TENM2: variants seen among roughly 807,000 people sequenced by gnomAD.
TENM2 encodes teneurin-2.
A neutral mutation model predicts 245.2 loss-of-function variants in TENM2; 52 were observed. The ratio of observed to expected loss-of-function variants is 0.21; its 90% CI spans 0.17 to 0.27. The LOEUF (loss-of-function observed/expected upper bound fraction) is 0.27. Ranked by LOEUF, TENM2 falls within the 10% of genes least tolerant of loss-of-function variation. The pLI is 1.00. For missense variants in TENM2, 3,046 were observed against 3,666.8 expected, an observed-to-expected ratio of 0.83 and a Z score of 4.37; for synonymous variants, 1,363 against 1,438.9, an observed-to-expected ratio of 0.95 and a Z score of 1.19.
chr5:167,423,092 T>TA (rs531142531), intron 2 of TENM2, among the ~76,000 whole-genome samples: 2 of 96,280 alleles, frequency 2.1e-5, no homozygotes, highest in South Asian at 2.8e-4. Flanking sequence ...CGTACCTTCA[T>TA]TTTTTTTTTA....
chr5:167,226,672 G>C, the TENM2 span, among the ~76,000 whole-genome samples: 1 of 152,010 alleles, frequency 6.6e-6, no homozygotes, highest in Admixed American at 6.6e-5. Flanking sequence ...TGAATAAAAT[G>C]TTCTATAAAT....
At chr5:167,035,257 A>T in the TENM2 span, among the ~76,000 whole-genome samples, 1 of 152,166 alleles carries the variant, frequency 6.6e-6, no homozygotes, top group Non-Finnish European at 1.5e-5. Context: ...AAGCAACCAC[A>T]TGGTAGTTAA....
chr5:168,169,427 C>T (rs1484158601), intron 13 of TENM2, among the ~76,000 whole-genome samples: 2 of 152,202 alleles, frequency 1.3e-5, no homozygotes, highest in African/African-American at 4.8e-5. Flanking sequence ...GGCCTGAGCT[C>T]TGGGCATGCC....
chr5:168,186,541 TG>T (rs1420740699), intron 13 of TENM2: 2 of 152,166 alleles, frequency 1.3e-5, no homozygotes, highest in African/African-American at 4.8e-5. Flanking sequence ...GCCACCGCAG[TG>T]TGGGCTGATT....
At chr5:167,627,651 A>G (rs1041521708) in intron 2 of TENM2, among the ~76,000 whole-genome samples, 2 of 150,672 alleles carry the variant, frequency 1.3e-5, no homozygotes, top group African/African-American at 4.9e-5. Context: ...TCCACCTCCC[A>G]GGTTCAAGTG....
At chr5:167,006,258 A>G in the TENM2 span, among the ~76,000 whole-genome samples, 2 of 152,184 alleles carry the variant, frequency 1.3e-5, no homozygotes, top group South Asian at 4.1e-4. Context: ...TTTTTAGGGA[A>G]TTCGATTTGG....
intron 2 of TENM2, among the ~76,000 whole-genome samples, chr5:167,529,498 T>G (rs1771351094): frequency 6.6e-6 from 1 of 152,246 alleles, no homozygotes; most frequent in Non-Finnish European, 1.5e-5. Flanking sequence ...GTGTTCACTT[T>G]CTGCACTTAG....
chr5:168,227,233 C>G (rs1764280027), intron 24 of TENM2, among the ~76,000 whole-genome samples: 1 of 152,232 alleles, frequency 6.6e-6, no homozygotes, highest in African/African-American at 2.4e-5. Context: ...GTCTGATTGA[C>G]TCGTGTAGTT....
At chr5:167,811,684 T>C (rs1183305887) in intron 2 of TENM2, among the ~76,000 whole-genome samples, 1 of 152,190 alleles carries the variant, frequency 6.6e-6, no homozygotes, top group African/African-American at 2.4e-5. Flanking sequence ...AACCCATTTA[T>C]GCTGGAGGTT....
intron 2 of TENM2, among the ~76,000 whole-genome samples, chr5:167,739,854 C>T (rs780674988): frequency 3.9e-5 from 6 of 152,190 alleles, no homozygotes. Flanking sequence ...ACAATATACA[C>T]ATGGAATTTC....
chr5:167,575,634 T>C (rs529939291), intron 2 of TENM2, among the ~76,000 whole-genome samples: 2 of 152,190 alleles, frequency 1.3e-5, no homozygotes, highest in East Asian at 3.9e-4. Flanking sequence ...TACTTCATCA[T>C]CCAGAGATAA....
intron 2 of TENM2, among the ~76,000 whole-genome samples, chr5:167,513,535 T>G (rs559093881): frequency 5.3e-5 from 8 of 152,296 alleles, no homozygotes; most frequent in African/African-American, 1.9e-4. Context: ...TACTTATGTT[T>G]CTAAATGTTT....
In TENM2 at chr5:168,260,242, A is replaced by G. The variant is rs745743397; in HGVS notation, c.7433-41A>G. 49 of 1,611,342 alleles carry G rather than the reference A, an allele frequency of 3.0e-5. No individual in the cohort carries two copies. The South Asian group carries it at 4.4e-4, about 14-fold the overall frequency. ...TAAGCTCTGCTGCTGCTCTCCATCC[A>G]TCATGATTTCAGAAACCTTTATTTT... On this transcript the variant is annotated intron_variant, in intron 27 of 28. Coordinates refer to ENST00000518659, the Ensembl canonical transcript of TENM2.
rs114263109 is a variant in TENM2, at chr5:168,256,757, G to C, written c.7433-3526G>C. Among the ~76,000 whole-genome samples the C allele has an allele frequency of 9.2e-3, 1,408 of 152,274 alleles. 21 individuals carry two copies. Among genetic ancestry groups the C allele is most frequent in the African/African-American group, 0.032 (1,345 of 41,560 alleles). ...TGTTTCTTAAATGGACTATTGTTAT[G>C]TGTGTAGATGCCAAGTCTTTCAATG... On this transcript the variant is annotated intron_variant, in intron 27 of 28. Transcript: ENST00000518659.
At chr5:167,601,950 AG>A (rs1776665435) in intron 2 of TENM2, among the ~76,000 whole-genome samples, 1 of 151,838 alleles carries the variant, frequency 6.6e-6, no homozygotes, top group Non-Finnish European at 1.5e-5. Context: ...GAAGGATGGC[AG>A]GAGGAAGAGG....
At chr5:167,774,588 A>G (rs1023647757) in intron 2 of TENM2, among the ~76,000 whole-genome samples, 1 of 152,214 alleles carries the variant, frequency 6.6e-6, no homozygotes, top group African/African-American at 2.4e-5. Context: ...ATAGATGAAC[A>G]TCCATTTAAT....
intron 2 of TENM2, among the ~76,000 whole-genome samples, chr5:167,431,858 C>T (rs944042481): frequency 1.3e-5 from 2 of 148,396 alleles, no homozygotes; most frequent in South Asian, 2.1e-4. Flanking sequence ...TATGTATTTA[C>T]AGTGAGAATC....
chr5:167,442,328 A>G (rs912469042), intron 2 of TENM2, among the ~76,000 whole-genome samples: 3 of 152,220 alleles, frequency 2.0e-5, no homozygotes, highest in Non-Finnish European at 4.4e-5. Flanking sequence ...TATTTGCAAT[A>G]TGTCTTTATT....
At chr5:167,634,980 G>A (rs377399635) in intron 2 of TENM2, among the ~76,000 whole-genome samples, 10 of 152,232 alleles carry the variant, frequency 6.6e-5, no homozygotes, top group African/African-American at 2.4e-4. Context: ...TCATCAGAAC[G>A]TTATGAGATC....
Sources: allele counts gnomAD v4.1 joint callset (sites outside exome capture counted in the v4.1 genomes callset), GRCh38; gene constraint gnomAD v4.1.1; transcripts MANE v1.5; gene names NCBI Gene and HGNC (gene_info 2026-07-23, HGNC 2026-07-21).